The following PRKN variants were observed in gnomAD, a reference collection of about 807,000 sequenced individuals.
The protein encoded by PRKN is E3 ubiquitin-protein ligase parkin.
Under a neutral mutation model 59.5 loss-of-function variants are expected in PRKN, and 56 were observed. That is an observed-to-expected ratio of 0.94 (90% CI 0.76 to 1.18). The LOEUF is 1.18. PRKN is among the 50% of genes most tolerant of loss of function. The probability of loss-of-function intolerance (pLI) is 0.00; values close to 1 mark genes in which losing one functional copy is unlikely to be tolerated. For synonymous variants in PRKN, 250 were observed against 222.1 expected (o/e 1.13, Z -1.12); for missense variants, 657 against 596.4 (o/e 1.10, Z -1.06).
At chr6:161,836,849 C>T (rs138054079) in intron 6 of PRKN, among the ~76,000 whole-genome samples, 2,162 of 152,228 alleles carry the variant, frequency 0.014, 61 homozygotes, top group African/African-American at 0.049. Context: ...GAGCACAAGC[C>T]GTAAAATGAC....
intron 7 of PRKN, among the ~76,000 whole-genome samples, chr6:161,724,854 A>G (rs1374052927): frequency 3.3e-5 from 5 of 152,174 alleles, no homozygotes; most frequent in East Asian, 1.9e-4. Flanking sequence ...GTAATCCCCA[A>G]TGCTGGAGAT....
rs150545278 is a variant in PRKN at position 162,546,734 on chromosome 6, G to A, written c.8-103261C>T. Among the ~76,000 whole-genome samples the A allele has an allele frequency of 5.5e-3, 843 of 152,170 alleles. 6 individuals are homozygous for A. The highest frequency in any genetic ancestry group is 0.019 in the African/African-American group (801 of 41,500). On this transcript the variant is annotated intron_variant, in intron 1 of 11. Transcript: ENST00000366898. ...ACTGGGATTACAGGCGTGAGCCACC[G>A]CGCCTGGCCCAACACACACTATTTC...
chr6:162,364,333 ATT>A (rs1785305296), intron 2 of PRKN, among the ~76,000 whole-genome samples: 2 of 152,114 alleles, frequency 1.3e-5, no homozygotes, highest in Admixed American at 1.3e-4. Context: ...CTTTTCCTTA[ATT>A]TGAGCTTTTT....
At chr6:161,662,185 A>C (rs1008460212) in intron 7 of PRKN, among the ~76,000 whole-genome samples, 2 of 152,184 alleles carry the variant, frequency 1.3e-5, no homozygotes, top group East Asian at 1.9e-4. Flanking sequence ...GGGTGGAATA[A>C]AAAGCTTTAA....
At chr6:161,919,247 C>T (rs1583346551) in intron 6 of PRKN, among the ~76,000 whole-genome samples, 1 of 152,046 alleles carries the variant, frequency 6.6e-6, no homozygotes, top group Admixed American at 6.6e-5. Context: ...GGAAATAAGA[C>T]TGACAAAAGA....
intron 7 of PRKN, among the ~76,000 whole-genome samples, chr6:161,727,240 G>A (rs6911683): frequency 0.051 from 7,805 of 152,124 alleles, 673 homozygotes; most frequent in African/African-American, 0.18. Flanking sequence ...CCTCTCAGCC[G>A]TCCAACCAAC....
intron 7 of PRKN, among the ~76,000 whole-genome samples, chr6:161,703,171 G>A (rs1786325812): frequency 1.3e-5 from 2 of 152,110 alleles, no homozygotes; most frequent in Admixed American, 1.3e-4. Flanking sequence ...AGCCAGGCAT[G>A]GTAGCACCTG....
intron 4 of PRKN, among the ~76,000 whole-genome samples, chr6:162,162,996 A>G (rs1782824455): frequency 6.7e-6 from 1 of 148,702 alleles, no homozygotes; most frequent in Non-Finnish European, 1.5e-5. Flanking sequence ...CGACAGAGCG[A>G]GATTCTGTCT....
intron 10 of PRKN, among the ~76,000 whole-genome samples, chr6:161,364,383 G>A (rs564657901): frequency 7.2e-5 from 10 of 138,982 alleles, no homozygotes; most frequent in South Asian, 4.5e-4. Context: ...CATTTGAACC[G>A]GGAGGCGGAG....
chr6:161,725,600 C>T (rs1236502898), intron 7 of PRKN, among the ~76,000 whole-genome samples: 1 of 152,212 alleles, frequency 6.6e-6, no homozygotes, highest in Non-Finnish European at 1.5e-5. Flanking sequence ...CCGCATGGCT[C>T]ACCCTACCCA....
chr6:161,570,139 A>AT (rs1227040225), intron 7 of PRKN, among the ~76,000 whole-genome samples: 1,375 of 134,946 alleles, frequency 0.01, 9 homozygotes, highest in Non-Finnish European at 0.016. Context: ...AAAAAAAAAA[A>AT]AAAAAAAATA....
intron 2 of PRKN, among the ~76,000 whole-genome samples, chr6:162,282,643 T>C (rs889843565): frequency 1.4e-4 from 21 of 152,188 alleles, no homozygotes; most frequent in Non-Finnish European, 5.9e-5. Context: ...ATACATACAA[T>C]TGGTAAACAT....
intron 1 of PRKN, among the ~76,000 whole-genome samples, chr6:162,685,533 C>G (rs1224794875): frequency 6.6e-6 from 1 of 152,102 alleles, no homozygotes; most frequent in Non-Finnish European, 1.5e-5. Context: ...TATTCCTCTA[C>G]ACCTTTACCA....
At chr6:162,338,650 T>G (rs1331156268) in intron 2 of PRKN, among the ~76,000 whole-genome samples, 1 of 152,040 alleles carries the variant, frequency 6.6e-6, no homozygotes, top group Non-Finnish European at 1.5e-5. Context: ...AGTGCCGAGA[T>G]TGCAGCCTCT....
chr6:161,493,923 A>G (rs1427101784), intron 9 of PRKN, among the ~76,000 whole-genome samples: 1 of 152,194 alleles, frequency 6.6e-6, no homozygotes, highest in Non-Finnish European at 1.5e-5. Context: ...ACACAGGGCT[A>G]TCTCCGCACA....
intron 2 of PRKN, among the ~76,000 whole-genome samples, chr6:162,362,656 C>T (rs930227181): frequency 5.3e-5 from 8 of 151,950 alleles, no homozygotes; most frequent in African/African-American, 1.9e-4. Context: ...TATTAAGAAA[C>T]AATAGTAGGA....
intron 6 of PRKN, among the ~76,000 whole-genome samples, chr6:161,863,294 A>G (rs1380285460): frequency 5.9e-5 from 9 of 151,874 alleles, no homozygotes; most frequent in Non-Finnish European, 2.9e-5. Flanking sequence ...TTGACTTTGT[A>G]AAAAAGGAAA....
intron 2 of PRKN, among the ~76,000 whole-genome samples, chr6:162,363,615 A>G (rs1208177536): frequency 6.0e-3 from 1 of 166 alleles, no homozygotes; most frequent in Non-Finnish European, 0.011. Flanking sequence ...CAAAGACATC[A>G]TCATTGTTAC....
chr6:161,598,869 T>C (rs1485756684), intron 7 of PRKN, among the ~76,000 whole-genome samples: 1 of 152,216 alleles, frequency 6.6e-6, no homozygotes, highest in Non-Finnish European at 1.5e-5. Flanking sequence ...TAAGTACCAA[T>C]GAATATAACC....
Sources: gnomAD v4.1 joint callset for allele counts (sites outside exome capture counted in the v4.1 genomes callset) on GRCh38, gnomAD v4.1.1 for gene constraint, MANE v1.5 for transcripts, NCBI Gene and HGNC (gene_info 2026-07-23, HGNC 2026-07-21) for gene names.